ATP11A: variants seen among roughly 807,000 people sequenced by gnomAD.
ATP11A encodes ATPase phospholipid transporting 11A.
ATP11A carries 81 observed loss-of-function variants against 154.4 expected under a neutral mutation model. The observed-to-expected ratio is 0.52, with a 90% CI of 0.44 to 0.63. The LOEUF is 0.63. Among genes scored for constraint, ATP11A ranks in the 30% least tolerant of loss-of-function variants. The pLI is 0.00. For missense variants in ATP11A, 1,316 were observed against 1,474.3 expected (o/e 0.89, Z 1.76); for synonymous variants, 623 against 585.9 (o/e 1.06, Z -0.91).
In ATP11A at chr13:112,868,712, A is replaced by G. The variant is rs1442048491; in HGVS notation, c.2992-3023A>G. Among the ~76,000 whole-genome samples, 4 of 152,344 alleles carry G rather than the reference A, an allele frequency of 2.6e-5. No individual in the cohort carries two copies. The East Asian group carries it at 7.7e-4, about 29-fold the overall frequency. ...GGAAATAACGACCAGCAATTGTAGT[A>G]ATAAACTATCCGCACATGTTAGTCC... On this transcript the variant is annotated intron_variant, in intron 25 of 29. Transcript: ENST00000375645.
chr13:112,810,621 T>C lies in ATP11A; in HGVS notation c.336T>C (p.Gly112=). 6.2e-7 allele frequency: 1 copy of C among 1,613,640 alleles called. No homozygotes were observed. The highest frequency in any genetic ancestry group is 2.2e-5 in the East Asian group (1 of 44,876). The change falls in exon 5 of 30, where the codon GGT becomes GGC. Residue 112 remains glycine (G), a splice_region_variant and synonymous_variant. Coordinates refer to ENST00000375645, the MANE Select transcript of ATP11A (RefSeq NM_015205.3). ...FVITVTAIKQ[G]YEDWLRHKAD... ...CCTTCTTTCCTTCCTTTTTTTAGGG[T>C]TATGAAGACTGGCTTCGACATAAAG... is the stretch of plus-strand genomic sequence containing the variant.
At chr13:112,782,217 ATGAGACAGGGTCCCTTTGT>A (rs1566473294) in intron 1 of ATP11A, among the ~76,000 whole-genome samples, 1 of 152,168 alleles carries the variant, frequency 6.6e-6, no homozygotes, top group Non-Finnish European at 1.5e-5. Context: ...TCGTTCCTCC[ATGAGACAGGGTCCCTTTGT>A]TGCTGGCTGG....
intron 24 of ATP11A, 86 bp from the exon 25 acceptor site, chr13:112,862,354 G>A (rs890344357): frequency 1.8e-5 from 27 of 1,538,646 alleles, no homozygotes; most frequent in African/African-American, 4.1e-5. Context: ...TGAAGACAAC[G>A]TCCAGGGATG....
chr13:112,882,685 C>G lies in ATP11A; in HGVS notation c.*819C>G. On this transcript the variant is annotated 3_prime_UTR_variant, in exon 30 of 30. Transcript: ENST00000375645. This position sits in a 1 kb window ranked among gnomAD's most constrained non-coding sequence, Gnocchi z 5.1. Reference sequence around the variant, plus strand: ...TGCCACGTGGGAGGACAAGGCCACGCCGGCAGCTTCCAGCCCTGCCGCAGA... The same window carrying G: ...TGCCACGTGGGAGGACAAGGCCACGGCGGCAGCTTCCAGCCCTGCCGCAGA... 5.0e-6 allele frequency: 2 copies of G among 399,804 alleles called. No individual in the cohort carries two copies. Among genetic ancestry groups the G allele is most frequent in the Non-Finnish European group, 8.8e-6 (2 of 227,024 alleles). The allele number at this position is 399,804 out of a possible 1,614,324, so 24.8% of individuals were successfully genotyped here. A position where few individuals can be genotyped will look rare whatever the true frequency, so the allele number is the denominator to read the frequency against.
rs1267141499 is a variant in ATP11A at position 112,816,227 on chromosome 13, A to G, written c.570+16A>G. On this transcript the variant is annotated intron_variant, in intron 6 of 29. Transcript: ENST00000375645. ...CAGCCATAAAGTAAGGGGCCTTTTC[A>G]TTAGACTCCAGGGCAGGATCTTCCT... 2.5e-6 allele frequency: 4 copies of G among 1,614,048 alleles called. No individual in the cohort carries two copies. The highest frequency in any genetic ancestry group is 3.4e-6 in the Non-Finnish European group (4 of 1,179,992).
At position 112,725,950 on chromosome 13, in the gene ATP11A, G is replaced by A. The variant is rs558218707; in HGVS notation, c.39+35495G>A. Among the ~76,000 whole-genome samples, 21 of 152,386 alleles carry A rather than the reference G, an allele frequency of 1.4e-4. No homozygotes were observed. The South Asian group carries it at 2.5e-3, about 18-fold the overall frequency. On this transcript the variant is annotated intron_variant, in intron 1 of 29. Coordinates refer to ENST00000375645, the MANE Select transcript of ATP11A (RefSeq NM_015205.3). ...CCCTCAGAGCAAGGTGCTGGGGAGG[G>A]GGCGGGAAGCGGTGGCCCTGGGGCC...
intron 12 of ATP11A, among the ~76,000 whole-genome samples, chr13:112,828,343 G>T (rs190919931): frequency 5.5e-5 from 8 of 145,226 alleles, no homozygotes; most frequent in African/African-American, 1.5e-4. Context: ...TGTTGAGTGG[G>T]GGGAAAGCAC....
intron 19 of ATP11A, among the ~76,000 whole-genome samples, chr13:112,854,999 T>A (rs1381764372): frequency 6.6e-6 from 1 of 152,242 alleles, no homozygotes; most frequent in African/African-American, 2.4e-5. Flanking sequence ...AGATACATTT[T>A]ATCGATGCTG....
At position 112,741,550 on chromosome 13, in the gene ATP11A, G is replaced by T. The variant is rs541164243; in HGVS notation, c.40-43585G>T. Among the ~76,000 whole-genome samples the T allele has an allele frequency of 5.3e-5, 8 of 152,304 alleles. No individual in the cohort carries two copies. The East Asian group carries it at 7.7e-4, about 15-fold the overall frequency. On this transcript the variant is annotated intron_variant, in intron 1 of 29. Coordinates refer to ENST00000375645, the MANE Select transcript of ATP11A (RefSeq NM_015205.3). ...CAGGCTGCCCGTTGCATCAGCGGTG[G>T]AGGGTGGAGGCACTAGCCAACTGGG... is the stretch of plus-strand genomic sequence containing the variant.
chr13:112,719,887 C>A (rs1013228470), intron 1 of ATP11A, among the ~76,000 whole-genome samples: 1 of 152,300 alleles, frequency 6.6e-6, no homozygotes, highest in South Asian at 2.1e-4. Context: ...AAACAACAGT[C>A]TCCCATAATT....
intron 18 of ATP11A, among the ~76,000 whole-genome samples, chr13:112,853,489 G>C (rs2079835483): frequency 6.6e-6 from 1 of 152,160 alleles, no homozygotes; most frequent in Admixed American, 6.5e-5. Context: ...TCACACGAAA[G>C]TAGTCTGAAA....
At chr13:112,742,871 C>T (rs1034371482) in intron 1 of ATP11A, among the ~76,000 whole-genome samples, 11 of 152,176 alleles carry the variant, frequency 7.2e-5, no homozygotes, top group Non-Finnish European at 1.2e-4. Context: ...TACTGTGTAG[C>T]GAGACTTTCT....
At chr13:112,737,519 AC>A (rs758640158) in intron 1 of ATP11A, among the ~76,000 whole-genome samples, 3 of 152,198 alleles carry the variant, frequency 2.0e-5, no homozygotes, top group Non-Finnish European at 4.4e-5. Context: ...GGTCATAAAG[AC>A]CAGAAGGAGA....
intron 6 of ATP11A, among the ~76,000 whole-genome samples, chr13:112,819,026 A>G (rs1317177407): frequency 2.0e-5 from 3 of 152,246 alleles, no homozygotes; most frequent in South Asian, 2.1e-4. Context: ...AGCTACTACT[A>G]TGACAGATAA....
intron 16 of ATP11A, among the ~76,000 whole-genome samples, chr13:112,840,476 C>T (rs182393550): frequency 1.3e-4 from 9 of 71,878 alleles, no homozygotes; most frequent in African/African-American, 4.3e-4. Context: ...CTCAGCCTCC[C>T]TACTCTCCTG....
chr13:112,883,573 T>C lies in ATP11A; in HGVS notation c.*1707T>C, dbSNP rs2080930126. On this transcript the variant is annotated 3_prime_UTR_variant, in exon 30 of 30. Coordinates refer to ENST00000375645, the MANE Select transcript of ATP11A (RefSeq NM_015205.3). ...TAATCTTTTACCTATAAAATATTTATTTGAAGTAGAGGGTAAATCAGCGGT... is the reference window on the plus strand; with the variant it reads ...TAATCTTTTACCTATAAAATATTTACTTGAAGTAGAGGGTAAATCAGCGGT... 5.9e-6 allele frequency: 1 copy of C among 170,576 alleles called. No individual in the cohort carries two copies. The highest frequency in any genetic ancestry group is 6.3e-5 in the Admixed American group (1 of 15,770). The allele number at this position is 170,576 out of a possible 1,614,324, so 10.6% of individuals were successfully genotyped here.
chr13:112,827,341 G>A (rs2078959444), intron 12 of ATP11A, among the ~76,000 whole-genome samples: 1 of 152,232 alleles, frequency 6.6e-6, no homozygotes, highest in African/African-American at 2.4e-5. Context: ...GATGGCTGCG[G>A]GAGCTCGGGC....
At chr13:112,779,836 G>A (rs777534449) in intron 1 of ATP11A, among the ~76,000 whole-genome samples, 13 of 152,116 alleles carry the variant, frequency 8.5e-5, no homozygotes, top group Non-Finnish European at 1.5e-4. Flanking sequence ...ACCTGGAAGC[G>A]GTGGTTGCAG....
chr13:112,773,891 C>A (rs545710611), intron 1 of ATP11A, among the ~76,000 whole-genome samples: 6 of 152,284 alleles, frequency 3.9e-5, no homozygotes, highest in African/African-American at 1.4e-4. Flanking sequence ...CACCCTCCAC[C>A]CCACCTCGTG....
Sources: gnomAD v4.1 joint callset for allele counts (sites outside exome capture counted in the v4.1 genomes callset) on GRCh38, gnomAD v4.1.1 for gene constraint, Gnocchi (gnomAD v3.1) non-coding constraint, MANE v1.5 for transcripts, NCBI Gene and HGNC (gene_info 2026-07-23, HGNC 2026-07-21) for gene names.